Variants in STK10 observed in about 807,000 individuals in gnomAD.
The protein encoded by STK10 is serine/threonine-protein kinase 10.
In STK10, 78 loss-of-function variants were observed where a neutral mutation model predicts 113.8. The observed-to-expected ratio is 0.69, with a 90% CI of 0.57 to 0.83. STK10 has a LOEUF of 0.83. Among genes scored for constraint, STK10 ranks in the 40% least tolerant of loss-of-function variants. The pLI, the probability that STK10 is intolerant of heterozygous loss-of-function variation, is 0.00. For missense variants in STK10, 1,109 were observed against 1,280.1 expected (o/e 0.87, Z 2.04); for synonymous variants, 465 against 494.7 (o/e 0.94, Z 0.80).
In STK10 at chr5:172,087,107, AGTGTGTGTGTGT is replaced by A. The variant is rs201052929; in HGVS notation, c.1685+3113_1685+3124del. Reference sequence around the variant, plus strand: ...CCTCCCGACCCACACAGATGACACCAGTGTGTGTGTGTGTGTGTGTGTGTGTGTGTGTGTGTG... The same window carrying A: ...CCTCCCGACCCACACAGATGACACCAGTGTGTGTGTGTGTGTGTGTGTGTG... On this transcript the variant is annotated intron_variant, in intron 10 of 18. Coordinates refer to ENST00000176763, the MANE Select transcript of STK10 (RefSeq NM_005990.4). Among the ~76,000 whole-genome samples the A allele has an allele frequency of 3.9e-3, 502 of 128,944 alleles. 1 individual carries two copies. The highest frequency in any genetic ancestry group is 0.013 in the African/African-American group (439 of 33,878). The allele number at this position is 128,944 out of a possible 152,430, so 84.6% of individuals were successfully genotyped here. A position where few individuals can be genotyped will look rare whatever the true frequency, so the allele number is the denominator to read the frequency against.
chr5:172,138,882 C>T (rs111658936), intron 2 of STK10, among the ~76,000 whole-genome samples: 5,159 of 152,088 alleles, frequency 0.034, 303 homozygotes, highest in African/African-American at 0.12. Context: ...GACGTGGTGG[C>T]GGGTGCCTGT....
chr5:172,082,884 T>C lies in STK10; in HGVS notation c.1809+77A>G, dbSNP rs999223560. ...GAATTACTCTCCACTACCCAATCAT[T>C]CCCACTATGTAGCTTCCACTGAGAG... On this transcript the variant is annotated intron_variant, in intron 11 of 18. Transcript: ENST00000176763. The surrounding 1 kb of genome is among the most constrained non-coding windows in gnomAD (Gnocchi z 4.3). The C allele has an allele frequency of 2.1e-5, 33 of 1,573,210 alleles. No homozygotes were observed. Among genetic ancestry groups the C allele is most frequent in the Non-Finnish European group, 5.2e-6 (6 of 1,161,900 alleles).
chr5:172,066,681 G>A (rs533497712), intron 12 of STK10, among the ~76,000 whole-genome samples: 1 of 152,292 alleles, frequency 6.6e-6, no homozygotes, highest in East Asian at 1.9e-4. Flanking sequence ...CCAGCTCCTT[G>A]GGAAGGAGGC....
chr5:172,055,565 G>A, intron 16 of STK10, 23 bp downstream of exon 16: 1 of 1,428,996 alleles, frequency 7.0e-7, no homozygotes, highest in Non-Finnish European at 9.2e-7. Context: ...CACACTTGCA[G>A]ACCCCGCAGG....
rs578040462 is a variant in STK10 at position 172,042,930 on chromosome 5, G to T, written c.*1952C>A. 6.6e-6 allele frequency: 1 copy of T among 152,102 alleles called. No homozygotes were observed. The highest frequency in any genetic ancestry group is 2.4e-5 in the African/African-American group (1 of 41,396). The allele number at this position is 152,102 out of a possible 1,614,324, so 9.4% of individuals were successfully genotyped here. A position where few individuals can be genotyped will look rare whatever the true frequency, so the allele number is the denominator to read the frequency against. ...TAACCAATGTTGAGAAAATTTCCAG[G>T]GAATTGCTTTAGAAAGACAGAGTAT... is the stretch of plus-strand genomic sequence containing the variant. On this transcript the variant is annotated 3_prime_UTR_variant, in exon 19 of 19. Coordinates refer to ENST00000176763, the MANE Select transcript of STK10 (RefSeq NM_005990.4).
At chr5:172,056,492 G>A (rs1281880567) in intron 15 of STK10, among the ~76,000 whole-genome samples, 1 of 152,038 alleles carries the variant, frequency 6.6e-6, no homozygotes, top group Admixed American at 6.6e-5. Context: ...AAAGTATTGA[G>A]GGAATGCACA....
chr5:172,125,478 G>A (rs1171137469), intron 3 of STK10, among the ~76,000 whole-genome samples: 1 of 151,920 alleles, frequency 6.6e-6, no homozygotes, highest in East Asian at 1.9e-4. Context: ...TCTACCGCCT[G>A]GGTTCAAGTG....
At chr5:172,172,791 C>T (rs916905059) in intron 1 of STK10, among the ~76,000 whole-genome samples, 3 of 152,040 alleles carry the variant, frequency 2.0e-5, no homozygotes, top group Admixed American at 6.6e-5. Context: ...ACCAGCCTGG[C>T]CAATATGGTG....
chr5:172,178,882 C>G (rs1770804895), intron 1 of STK10, among the ~76,000 whole-genome samples: 15 of 152,094 alleles, frequency 9.9e-5, no homozygotes, highest in Admixed American at 9.2e-4. Flanking sequence ...TCTGGGGACA[C>G]TTTTGGTTGC....
chr5:172,049,941 T>A (rs988511674), intron 18 of STK10, among the ~76,000 whole-genome samples: 6 of 152,216 alleles, frequency 3.9e-5, no homozygotes, highest in African/African-American at 1.4e-4. Context: ...TATCTGGGAT[T>A]ACAGGCATGC....
At chr5:172,130,160 A>G (rs1413689224) in intron 2 of STK10, among the ~76,000 whole-genome samples, 1 of 152,100 alleles carries the variant, frequency 6.6e-6, no homozygotes, top group Non-Finnish European at 1.5e-5. Flanking sequence ...ACAACCGCCA[A>G]TCCTCTCCGT....
At chr5:172,168,553 G>A (rs1371808222) in intron 1 of STK10, among the ~76,000 whole-genome samples, 2 of 152,152 alleles carry the variant, frequency 1.3e-5, no homozygotes, top group African/African-American at 4.8e-5. Context: ...GTCCTTGCGG[G>A]CTCAGGATGA....
intron 1 of STK10, among the ~76,000 whole-genome samples, chr5:172,171,961 G>C (rs1050256684): frequency 6.6e-6 from 1 of 152,168 alleles, no homozygotes; most frequent in East Asian, 1.9e-4. Context: ...GGGAGGGGAG[G>C]TGGGTGGATC....
intron 2 of STK10, among the ~76,000 whole-genome samples, chr5:172,153,269 G>A (rs559146073): frequency 3.8e-5 from 5 of 130,278 alleles, no homozygotes; most frequent in Non-Finnish European, 7.6e-5. Flanking sequence ...CTGGGCAACA[G>A]GAGCAAAACT....
intron 12 of STK10, among the ~76,000 whole-genome samples, chr5:172,075,509 T>C (rs10475564): frequency 0.21 from 32,037 of 151,810 alleles, 4,394 homozygotes; most frequent in African/African-American, 0.38. Flanking sequence ...AAACCCCATC[T>C]CTACTAAAAA....
At chr5:172,097,959 T>C in intron 7 of STK10, among the ~76,000 whole-genome samples, 1 of 152,180 alleles carries the variant, frequency 6.6e-6, no homozygotes, top group East Asian at 1.9e-4. Flanking sequence ...GATGTGGGAT[T>C]CCTCAACCCA....
chr5:172,067,504 T>A (rs775762334), intron 12 of STK10, among the ~76,000 whole-genome samples: 1 of 152,172 alleles, frequency 6.6e-6, no homozygotes, highest in East Asian at 1.9e-4. Flanking sequence ...AATCAATAGA[T>A]GTCAGCTCCG....
chr5:172,083,187 C>G, intron 10 of STK10, 103 bp from the exon 11 acceptor site: 1 of 1,509,374 alleles, frequency 6.6e-7, no homozygotes, highest in Non-Finnish European at 9.0e-7. Flanking sequence ...GGAGCAAAAT[C>G]ACACAAGTCT....
chr5:172,065,559 C>T (rs1768049528), intron 12 of STK10, among the ~76,000 whole-genome samples: 1 of 152,134 alleles, frequency 6.6e-6, no homozygotes, highest in Non-Finnish European at 1.5e-5. Flanking sequence ...CTTGTCAGCC[C>T]CTGAGGTCCA....
Sources: gnomAD v4.1 joint callset for allele counts (sites outside exome capture counted in the v4.1 genomes callset) on GRCh38, gnomAD v4.1.1 for gene constraint, Gnocchi (gnomAD v3.1) non-coding constraint, MANE v1.5 for transcripts, NCBI Gene and HGNC (gene_info 2026-07-23, HGNC 2026-07-21) for gene names.